Variants in FAM3C observed in about 807,000 individuals in gnomAD.
FAM3C encodes the protein FAM3 metabolism regulating signaling molecule C.
FAM3C carries 15 observed loss-of-function variants against 32.5 expected under a neutral mutation model. The observed-to-expected ratio is 0.46, with a 90% CI of 0.31 to 0.71. The LOEUF (loss-of-function observed/expected upper bound fraction) is 0.71. Ranked by LOEUF, FAM3C falls within the 30% of genes least tolerant of loss-of-function variation. The probability of loss-of-function intolerance (pLI) is 0.05; values close to 1 mark genes in which losing one functional copy is unlikely to be tolerated. For missense variants in FAM3C, 175 were observed against 274.4 expected, an observed-to-expected ratio of 0.64 and a Z score of 2.56; for synonymous variants, 75 against 86.1, an observed-to-expected ratio of 0.87 and a Z score of 0.72.
intron 1 of FAM3C, among the ~76,000 whole-genome samples, chr7:121,394,292 T>C (rs1225853619): frequency 6.6e-6 from 1 of 152,152 alleles, no homozygotes; most frequent in Non-Finnish European, 1.5e-5. Flanking sequence ...CTTAGCCTTT[T>C]GGCTGTCTTT....
chr7:121,369,091 T>C (rs986843796), intron 5 of FAM3C, among the ~76,000 whole-genome samples: 14 of 151,560 alleles, frequency 9.2e-5, no homozygotes, highest in African/African-American at 3.4e-4. Flanking sequence ...GAGATTCTCG[T>C]GCCTCAGCCT....
chr7:121,372,908 C>T (rs2116921700), intron 3 of FAM3C, among the ~76,000 whole-genome samples: 1 of 152,170 alleles, frequency 6.6e-6, no homozygotes, highest in Admixed American at 6.5e-5. Flanking sequence ...TTGTGAACTT[C>T]CTGTAGGTCC....
chr7:121,363,054 T>C (rs527387281), intron 6 of FAM3C, 107 bp from the exon 7 acceptor site: 8 of 595,078 alleles, frequency 1.3e-5, no homozygotes, highest in East Asian at 6.5e-5. Flanking sequence ...GCAGAGAAGA[T>C]GTGAATTCAT....
chr7:121,350,610 G>A (rs1000766278), intron 9 of FAM3C, 60 bp from the exon 10 acceptor site: 36 of 1,544,064 alleles, frequency 2.3e-5, no homozygotes, highest in Middle Eastern at 1.7e-4. Flanking sequence ...CTGATTTGCC[G>A]TAACATTTTA....
At chr7:121,356,345 A>C (rs937819841) in intron 8 of FAM3C, among the ~76,000 whole-genome samples, 1 of 152,188 alleles carries the variant, frequency 6.6e-6, no homozygotes, top group Non-Finnish European at 1.5e-5. Flanking sequence ...GAAGCTATAC[A>C]TGACAAAAAG....
chr7:121,366,586 G>A (rs970031612), intron 5 of FAM3C, among the ~76,000 whole-genome samples: 2 of 152,024 alleles, frequency 1.3e-5, no homozygotes, highest in Non-Finnish European at 2.9e-5. Flanking sequence ...AGGGGTACAG[G>A]GTTTCTTTTT....
In FAM3C at chr7:121,349,074, T is replaced by A. The variant is rs572058348; in HGVS notation, c.*1387A>T. ...TAAACATATAAGGTGCATTTATTCA[T>A]GAATTAATTACATTCAGTTTGAAGG... On this transcript the variant is annotated 3_prime_UTR_variant, in exon 10 of 10. Coordinates refer to ENST00000359943, the MANE Select transcript of FAM3C (RefSeq NM_014888.3). The A allele has an allele frequency of 5.9e-5, 9 of 152,330 alleles. No individual in the cohort carries two copies. In the South Asian group the frequency reaches 1.9e-3, roughly 32 times the overall value. The allele number at this position is 152,330 out of a possible 1,614,324, so 9.4% of individuals were successfully genotyped here.
At chr7:121,379,145 T>C in intron 2 of FAM3C, 131 bp from the exon 3 acceptor site, 1 of 552,702 alleles carries the variant, frequency 1.8e-6, no homozygotes, top group Non-Finnish European at 3.2e-6. Flanking sequence ...ATCTTAATTT[T>C]ACATGAGATA....
Position 121,378,828 on chromosome 7 carries a change from T to C in FAM3C, c.118+82A>G. 3 of 632,352 alleles carry C rather than the reference T, an allele frequency of 4.7e-6. No homozygotes were observed. In the East Asian group the frequency reaches 9.1e-5, roughly 19 times the overall value. The allele number at this position is 632,352 out of a possible 1,614,324, so 39.2% of individuals were successfully genotyped here. A position where few individuals can be genotyped will look rare whatever the true frequency, so the allele number is the denominator to read the frequency against. On this transcript the variant is annotated intron_variant, in intron 3 of 9. Coordinates refer to ENST00000359943, the MANE Select transcript of FAM3C (RefSeq NM_014888.3). ...ATAATCACATTTCGTTTTCTAGCAC[T>C]GAGTGACTCAGTGCTGATAACTGAT... is the stretch of plus-strand genomic sequence containing the variant.
chr7:121,360,328 C>A (rs1793894630), intron 7 of FAM3C, among the ~76,000 whole-genome samples: 2 of 152,130 alleles, frequency 1.3e-5, no homozygotes, highest in Admixed American at 6.5e-5. Flanking sequence ...TATCAACTTA[C>A]AATTTCCCAT....
At chr7:121,351,383 A>G in intron 8 of FAM3C, 114 bp from the exon 9 acceptor site, 1 of 969,426 alleles carries the variant, frequency 1.0e-6, no homozygotes, top group Non-Finnish European at 1.4e-6. Flanking sequence ...AAATAACAGA[A>G]CATTTTGGAA....
At chr7:121,380,338 T>C (rs1247401316) in intron 2 of FAM3C, 5 of 151,870 alleles carry the variant, frequency 3.3e-5, no homozygotes, top group Non-Finnish European at 7.4e-5. Flanking sequence ...AACACAAACA[T>C]TCTAAATTCT....
At chr7:121,374,137 A>C (rs775776444) in intron 3 of FAM3C, among the ~76,000 whole-genome samples, 1 of 152,226 alleles carries the variant, frequency 6.6e-6, no homozygotes, top group Non-Finnish European at 1.5e-5. Flanking sequence ...AATGCTGAAT[A>C]AGATTGGTGA....
At chr7:121,363,274 C>T (rs149038944) in intron 6 of FAM3C, among the ~76,000 whole-genome samples, 110 of 152,236 alleles carry the variant, frequency 7.2e-4, no homozygotes, top group African/African-American at 2.6e-3. Context: ...TCCATATTCT[C>T]TTATTTTAAA....
At chr7:121,394,171 T>C (rs1411401789) in intron 1 of FAM3C, among the ~76,000 whole-genome samples, 1 of 152,156 alleles carries the variant, frequency 6.6e-6, no homozygotes, top group Non-Finnish European at 1.5e-5. Flanking sequence ...TTTTTAAGAG[T>C]ATAAAAATTT....
chr7:121,360,691 G>A (rs977228524), intron 7 of FAM3C, among the ~76,000 whole-genome samples: 11 of 151,898 alleles, frequency 7.2e-5, no homozygotes, highest in African/African-American at 2.4e-4. Flanking sequence ...AAAATTAGCC[G>A]AGCTTGGTGG....
At chr7:121,372,872 T>A (rs1794175288) in intron 3 of FAM3C, among the ~76,000 whole-genome samples, 1 of 152,200 alleles carries the variant, frequency 6.6e-6, no homozygotes, top group African/African-American at 2.4e-5. Context: ...GTCACACAGT[T>A]TTTAGTTCTG....
chr7:121,362,647 T>TA, intron 7 of FAM3C: 1 of 427,234 alleles, frequency 2.3e-6, no homozygotes, highest in Non-Finnish European at 4.1e-6. Flanking sequence ...ATGACTTTTT[T>TA]TAAAAAAATC....
chr7:121,353,179 G>C (rs1293653180), intron 8 of FAM3C, among the ~76,000 whole-genome samples: 1 of 152,132 alleles, frequency 6.6e-6, no homozygotes, highest in African/African-American at 2.4e-5. Flanking sequence ...CAAAATAGAA[G>C]GTTATCCAAA....
Sources: allele counts gnomAD v4.1 joint callset (sites outside exome capture counted in the v4.1 genomes callset), GRCh38; gene constraint gnomAD v4.1.1; transcripts MANE v1.5; gene names NCBI Gene and HGNC (gene_info 2026-07-23, HGNC 2026-07-21).